The following SMIM24 variants were observed in gnomAD, a reference collection of about 807,000 sequenced individuals.
SMIM24 encodes MAP17-related dimer.
In SMIM24, 6 loss-of-function variants were observed where a neutral mutation model predicts 10.8. The ratio of observed to expected loss-of-function variants is 0.55; its 90% confidence interval spans 0.30 to 1.09. The LOEUF (loss-of-function observed/expected upper bound fraction) is 1.09. Among genes scored for constraint, SMIM24 ranks in the 50% least tolerant of loss-of-function variants. The pLI, the probability that SMIM24 is intolerant of heterozygous loss-of-function variation, is 0.06. For missense variants in SMIM24, 151 were observed against 153.4 expected, an observed-to-expected ratio of 0.98 and a Z score of 0.08; for synonymous variants, 71 against 62.4, an observed-to-expected ratio of 1.14 and a Z score of -0.65.
intron 1 of SMIM24, 130 bp downstream of exon 1, chr19:3,480,267 G>A: frequency 2.1e-6 from 2 of 974,814 alleles, no homozygotes; most frequent in African/African-American, 1.6e-5. Context: ...GGGTTGAGAA[G>A]GGCCTCCAAG....
intron 3 of SMIM24, among the ~76,000 whole-genome samples, chr19:3,475,367 T>A (rs1255353611): frequency 1.3e-5 from 2 of 152,144 alleles, no homozygotes; most frequent in Admixed American, 1.3e-4. Context: ...AACTGCTCCA[T>A]GGATGGATGG....
At chr19:3,476,024 T>C (rs995182521) in intron 3 of SMIM24, among the ~76,000 whole-genome samples, 1 of 151,692 alleles carries the variant, frequency 6.6e-6, no homozygotes, top group African/African-American at 2.4e-5. Context: ...GATGGATCAG[T>C]GGATGGGGGT....
intron 1 of SMIM24, 25 bp downstream of exon 1, chr19:3,480,372 C>T: frequency 6.6e-7 from 1 of 1,503,966 alleles, no homozygotes; most frequent in Non-Finnish European, 8.9e-7. Flanking sequence ...TCCCGCGACG[C>T]CCCCTCCCGC....
At chr19:3,478,673 G>A in intron 2 of SMIM24, 145 bp downstream of exon 2, 1 of 843,888 alleles carries the variant, frequency 1.2e-6, no homozygotes, top group East Asian at 2.7e-5. Context: ...CCGGGATCTG[G>A]GCTCTGAGAG....
At chr19:3,480,328 T>C in intron 1 of SMIM24, 69 bp downstream of exon 1, 1 of 1,343,190 alleles carries the variant, frequency 7.4e-7, no homozygotes, top group East Asian at 2.6e-5. Context: ...CCATGGAAAA[T>C]TGGGAGATGG....
chr19:3,478,888 C>T lies in SMIM24; in HGVS notation c.109G>A (p.Ala37Thr), dbSNP rs1414653122. 1 of 1,549,872 alleles carries T rather than the reference C, an allele frequency of 6.5e-7. No homozygotes were observed. Among genetic ancestry groups the T allele is most frequent in the East Asian group, 2.4e-5 (1 of 40,898 alleles). Residue 37 changes from alanine (A) to threonine (T), a missense_variant, in exon 2 of 4, where the codon GCG becomes ACG. Transcript: ENST00000215531. ...ACGATGAACAGGAAGCCGACTACCGCAGCCAGGCCCACCAGCCACGGCTTC... is the reference window on the plus strand; with the variant it reads ...ACGATGAACAGGAAGCCGACTACCGTAGCCAGGCCCACCAGCCACGGCTTC... ...RLKPWLVGLAAVVGFLFIVYL... is the reference protein window; with the variant it reads ...RLKPWLVGLATVVGFLFIVYL...
intron 1 of SMIM24, 25 bp downstream of exon 1, chr19:3,480,371 GC>G: frequency 7.3e-7 from 1 of 1,370,108 alleles, no homozygotes; most frequent in Non-Finnish European, 9.8e-7. Context: ...ATCCCGCGAC[GC>G]CCCCTCCCGC....
In SMIM24 at chr19:3,480,377, T is replaced by G. The variant is rs1396501388; in HGVS notation, c.67+20A>C. 4 of 1,092,174 alleles carry G rather than the reference T, an allele frequency of 3.7e-6. No individual in the cohort carries two copies. Among genetic ancestry groups the G allele is most frequent in the African/African-American group, 1.8e-5 (1 of 55,804 alleles). The allele number at this position is 1,092,174 out of a possible 1,614,324, so 67.7% of individuals were successfully genotyped here. On this transcript the variant is annotated intron_variant, in intron 1 of 3. Coordinates refer to ENST00000215531, the MANE Select transcript of SMIM24 (RefSeq NM_001136503.2). ...AACTCCCCTATCCCGCGACGCCCCC[T>G]CCCGCCCCCCTGCACCTACCCTGCT...
rs1327472273 is a variant in SMIM24, at chr19:3,474,602, G to A, written c.*241C>T. The A allele has an allele frequency of 7.8e-6, 4 of 515,320 alleles. No homozygotes were observed. The highest frequency in any genetic ancestry group is 3.4e-5 in the Admixed American group (1 of 29,254). The allele number at this position is 515,320 out of a possible 1,614,324, so 31.9% of individuals were successfully genotyped here. A position where few individuals can be genotyped will look rare whatever the true frequency, so the allele number is the denominator to read the frequency against. ...GTCTCCTCAACCAGGGATGCTCTCC[G>A]AGTATAAGAAGAATCACCAGGCAGG... On this transcript the variant is annotated 3_prime_UTR_variant, in exon 4 of 4. Coordinates refer to ENST00000215531, the MANE Select transcript of SMIM24 (RefSeq NM_001136503.2).
intron 3 of SMIM24, among the ~76,000 whole-genome samples, chr19:3,475,242 G>C (rs1441784893): frequency 6.6e-6 from 1 of 151,918 alleles, no homozygotes; most frequent in Non-Finnish European, 1.5e-5. Flanking sequence ...GCTCCCTGTT[G>C]CCTCTTGGGA....
intron 1 of SMIM24, among the ~76,000 whole-genome samples, chr19:3,480,126 G>A (rs918963778): frequency 6.6e-6 from 1 of 151,316 alleles, no homozygotes; most frequent in East Asian, 2.0e-4. Context: ...GAGTGGGGCC[G>A]AGCTCAAGGC....
At position 3,474,792 on chromosome 19, in the gene SMIM24, G is replaced by A; in HGVS notation, c.*51C>T. On this transcript the variant is annotated 3_prime_UTR_variant, in exon 4 of 4. Transcript: ENST00000215531. ...CAAGTCCAGGGCACTGCTTTTAGGG[G>A]GCAGAAGAGGCATCTCTGGGGGACT... The A allele has an allele frequency of 6.5e-7, 1 of 1,535,002 alleles. No homozygotes were observed. Among genetic ancestry groups the A allele is most frequent in the African/African-American group, 1.4e-5 (1 of 72,148 alleles).
chr19:3,477,274 G>GGATA (rs2082796923), intron 3 of SMIM24, among the ~76,000 whole-genome samples: 1 of 131,492 alleles, frequency 7.6e-6, no homozygotes, highest in African/African-American at 3.1e-5. Flanking sequence ...GTGAGTGGAT[G>GGATA]GATGGATGGA....
chr19:3,480,369 A>G (rs2122026577), intron 1 of SMIM24, 28 bp downstream of exon 1: 7 of 1,307,406 alleles, frequency 5.4e-6, no homozygotes, highest in African/African-American at 1.6e-5. Flanking sequence ...CTATCCCGCG[A>G]CGCCCCCTCC....
chr19:3,474,928 G>A lies in SMIM24; in HGVS notation c.308C>T (p.Ala103Val), dbSNP rs938677417. The A allele has an allele frequency of 6.4e-6, 10 of 1,551,506 alleles. No individual in the cohort carries two copies. Among genetic ancestry groups the A allele is most frequent in the South Asian group, 1.2e-5 (1 of 84,062 alleles). ...EEKRKKEKKT[A>V]KEGESNLGLD... is the part of the protein sequence containing the mutation. ...TCCCAAGTTGCTCTCTCCTTCCTTT[G>A]CTGTCTTTTTCTCCTTCTTCCTCTT... The change falls in exon 4 of 4, where the codon GCA becomes GTA. Residue 103 changes from alanine to valine, a missense_variant. By Grantham distance (64) the Ala-to-Val change is moderately conservative (BLOSUM62 0). Coordinates refer to ENST00000215531, the MANE Select transcript of SMIM24 (RefSeq NM_001136503.2).
rs1036746322 is a variant in SMIM24, at chr19:3,478,767, T to C, written c.179+51A>G. 3 of 846,882 alleles carry C rather than the reference T, an allele frequency of 3.5e-6. No homozygotes were observed. In the African/African-American group the frequency reaches 1.6e-4, roughly 45 times the overall value. 52.5% of individuals were successfully genotyped at this position (846,882 alleles called of 1,614,324 possible). On this transcript the variant is annotated intron_variant, in intron 2 of 3. Transcript: ENST00000215531. The stretch of plus-strand genomic sequence containing the variant: ...GGGGTACCAGAGAGGGTTGGGAAGC[T>C]GGGGGTGGGGGCAGGGCTGTGGGGG...
rs765964109 is a variant in SMIM24 at position 3,478,468 on chromosome 19, C to T, written c.190G>A (p.Glu64Lys). 2 of 1,548,934 alleles carry T rather than the reference C, an allele frequency of 1.3e-6. No homozygotes were observed. The highest frequency in any genetic ancestry group is 2.4e-5 in the East Asian group (1 of 40,870). Residue 64 changes from glutamate to lysine, a missense_variant, in exon 3 of 4, where the codon GAG becomes AAG. Transcript: ENST00000215531. ...TCCATTCTGAACGTGGTCTCCTCCT[C>T]GTCCTCAGCCCTGCAGAGATAAAGG... The part of the protein sequence containing the change: ...LWCSKARAED[E>K]EETTFRMESN...
chr19:3,475,715 G>A (rs1234621068), intron 3 of SMIM24, among the ~76,000 whole-genome samples: 1 of 151,584 alleles, frequency 6.6e-6, no homozygotes, highest in African/African-American at 2.4e-5. Flanking sequence ...TGGATGAATG[G>A]ATGGATGAGT....
chr19:3,480,175 G>A lies in SMIM24; in HGVS notation c.67+222C>T, dbSNP rs556286005. 7.2e-5 allele frequency among the ~76,000 whole-genome samples: 11 copies of A among 151,822 alleles called. No homozygotes were observed. In the South Asian group the frequency reaches 2.3e-3, roughly 32 times the overall value. On this transcript the variant is annotated intron_variant, in intron 1 of 3. Coordinates refer to ENST00000215531, the MANE Select transcript of SMIM24 (RefSeq NM_001136503.2). ...AGGTGTGCTCAGAAGGGCTGGAGAG[G>A]GGAAAGGCTCGGGTGGGCGGTGGGG...
Sources: gnomAD v4.1 joint callset for allele counts (sites outside exome capture counted in the v4.1 genomes callset) on GRCh38, gnomAD v4.1.1 for gene constraint, MANE v1.5 for transcripts, NCBI Gene and HGNC (gene_info 2026-07-23, HGNC 2026-07-21) for gene names.